BRINP3: variants seen among roughly 807,000 people sequenced by gnomAD.
BRINP3 encodes BMP/retinoic acid inducible neural specific 3.
BRINP3 carries 19 observed loss-of-function variants against 71.0 expected under a neutral mutation model. The observed-to-expected ratio is 0.27, with a 90% confidence interval of 0.19 to 0.39. The LOEUF (loss-of-function observed/expected upper bound fraction) is 0.39, where lower values mean the gene tolerates loss of function less well. Ranked by LOEUF, BRINP3 falls within the 10% of genes least tolerant of loss-of-function variation. The pLI is 1.00. For missense variants in BRINP3, 959 were observed against 940.8 expected, an observed-to-expected ratio of 1.02 and a Z score of -0.25; for synonymous variants, 380 against 337.7, an observed-to-expected ratio of 1.13 and a Z score of -1.37.
chr1:190,130,939 A>T (rs1034945580), intron 7 of BRINP3, among the ~76,000 whole-genome samples: 3 of 151,882 alleles, frequency 2.0e-5, no homozygotes, highest in Non-Finnish European at 4.4e-5. Context: ...ATCTGCAGCT[A>T]AAGTACAAGT....
intron 2 of BRINP3, among the ~76,000 whole-genome samples, chr1:190,407,139 T>G (rs773460923): frequency 3.1e-4 from 47 of 152,184 alleles, no homozygotes; most frequent in Admixed American, 3.3e-4. Flanking sequence ...CTTACAGATC[T>G]GACTCTTGAC....
chr1:190,284,127 T>A (rs1663246775), intron 2 of BRINP3, among the ~76,000 whole-genome samples: 2 of 151,998 alleles, frequency 1.3e-5, no homozygotes. Flanking sequence ...AAAGTGCAAT[T>A]CTATGTTTTT....
At chr1:190,248,169 T>C (rs1488299408) in intron 4 of BRINP3, among the ~76,000 whole-genome samples, 1 of 151,882 alleles carries the variant, frequency 6.6e-6, no homozygotes, top group African/African-American at 2.4e-5. Flanking sequence ...GAAATCTGTG[T>C]CACCTCTTGC....
chr1:190,358,912 C>CA (rs1005686899), intron 2 of BRINP3, among the ~76,000 whole-genome samples: 40 of 151,754 alleles, frequency 2.6e-4, no homozygotes, highest in South Asian at 4.2e-4. Flanking sequence ...ATCACAGGGA[C>CA]AAAAAACCAA....
intron 6 of BRINP3, among the ~76,000 whole-genome samples, chr1:190,202,821 C>T (rs1042238827): frequency 1.3e-5 from 2 of 152,128 alleles, no homozygotes; most frequent in Non-Finnish European, 2.9e-5. Context: ...CCATGTAGAA[C>T]TGTAAGTCCA....
At chr1:190,136,428 T>G (rs1230903257) in intron 7 of BRINP3, among the ~76,000 whole-genome samples, 4 of 152,092 alleles carry the variant, frequency 2.6e-5, no homozygotes, top group Admixed American at 6.6e-5. Flanking sequence ...GTTCATCACA[T>G]GGATTCCTTC....
At chr1:190,459,854 T>TAA (rs1411486493) in intron 1 of BRINP3, among the ~76,000 whole-genome samples, 1 of 152,102 alleles carries the variant, frequency 6.6e-6, no homozygotes, top group Non-Finnish European at 1.5e-5. Context: ...GAAAGACTGA[T>TAA]ACGGTAAACT....
chr1:190,174,486 T>C (rs191276574), intron 6 of BRINP3, among the ~76,000 whole-genome samples: 6 of 152,120 alleles, frequency 3.9e-5, no homozygotes, highest in Admixed American at 2.6e-4. Flanking sequence ...ATATGATATA[T>C]ATATGAGATA....
At chr1:190,226,375 T>C in intron 5 of BRINP3, 57 bp from the exon 6 acceptor site, 6 of 948,060 alleles carry the variant, frequency 6.3e-6, no homozygotes, top group Non-Finnish European at 9.2e-6. Flanking sequence ...AAAATTAAAA[T>C]ACTTATTTAT....
At chr1:190,390,315 G>A (rs1021742486) in intron 2 of BRINP3, among the ~76,000 whole-genome samples, 1 of 151,656 alleles carries the variant, frequency 6.6e-6, no homozygotes, top group African/African-American at 2.4e-5. Context: ...AGGTGGGATG[G>A]CTGAAATTAA....
chr1:190,154,147 C>T (rs1392376222), intron 7 of BRINP3: 2 of 796,604 alleles, frequency 2.5e-6, no homozygotes, highest in East Asian at 2.5e-4. Flanking sequence ...ACATATTCTT[C>T]TTCCCTTAAG....
intron 2 of BRINP3, among the ~76,000 whole-genome samples, chr1:190,454,173 T>A (rs1282620536): frequency 6.6e-6 from 1 of 152,246 alleles, no homozygotes; most frequent in African/African-American, 2.4e-5. Context: ...GCTACTTGTT[T>A]TTATTCCATT....
intron 3 of BRINP3, among the ~76,000 whole-genome samples, chr1:190,273,974 T>C (rs965744500): frequency 4.6e-5 from 7 of 151,672 alleles, no homozygotes; most frequent in African/African-American, 1.2e-4. Context: ...CAGTTCATGA[T>C]GCATTATATT....
intron 6 of BRINP3, among the ~76,000 whole-genome samples, chr1:190,177,368 C>CG (rs1180145307): frequency 8.0e-6 from 1 of 125,358 alleles, no homozygotes; most frequent in Non-Finnish European, 1.6e-5. Context: ...TTAGTAGAGA[C>CG]GGGGTTTCAC....
intron 7 of BRINP3, among the ~76,000 whole-genome samples, chr1:190,156,922 T>TG (rs1656920023): frequency 2.0e-5 from 3 of 152,054 alleles, no homozygotes; most frequent in Non-Finnish European, 4.4e-5. Context: ...AACTTGAACT[T>TG]GTATAGCATT....
chr1:190,117,123 C>G (rs1203987955), intron 7 of BRINP3, among the ~76,000 whole-genome samples: 1 of 151,918 alleles, frequency 6.6e-6, no homozygotes, highest in Admixed American at 6.6e-5. Context: ...GCAATTGTTT[C>G]TTGTTAGAGA....
intron 2 of BRINP3, among the ~76,000 whole-genome samples, chr1:190,440,654 C>T (rs1674754558): frequency 1.3e-5 from 2 of 151,842 alleles, no homozygotes; most frequent in Admixed American, 1.3e-4. Context: ...AGTAAATGGT[C>T]GATAAAAGCA....
At chr1:190,400,777 T>G (rs2102354236) in intron 2 of BRINP3, among the ~76,000 whole-genome samples, 1 of 152,308 alleles carries the variant, frequency 6.6e-6, no homozygotes, top group Non-Finnish European at 1.5e-5. Flanking sequence ...AAGTAAATAC[T>G]GACTAGTATA....
At chr1:190,457,281 A>C (rs1676059740) in intron 1 of BRINP3, among the ~76,000 whole-genome samples, 1 of 152,038 alleles carries the variant, frequency 6.6e-6, no homozygotes, top group African/African-American at 2.4e-5. Context: ...TTCTCTACTA[A>C]AAATATACAA....
Sources: allele counts gnomAD v4.1 joint callset (sites outside exome capture counted in the v4.1 genomes callset), GRCh38; gene constraint gnomAD v4.1.1; transcripts MANE v1.5; gene names NCBI Gene and HGNC (gene_info 2026-07-23, HGNC 2026-07-21).